GALNT13: variants seen among roughly 807,000 people sequenced by gnomAD.
GALNT13 encodes UDP-GalNAc:polypeptide N-acetylgalactosaminyltransferase 13.
A neutral mutation model predicts 64.2 loss-of-function variants in GALNT13; 28 were observed. That is an observed-to-expected ratio of 0.44 (90% CI 0.32 to 0.60). GALNT13 has a LOEUF of 0.60. Ranked by LOEUF, GALNT13 falls within the 20% of genes least tolerant of loss-of-function variation. The pLI, the probability that GALNT13 is intolerant of heterozygous loss-of-function variation, is 0.05. For synonymous variants in GALNT13, 214 were observed against 224.6 expected (o/e 0.95, Z 0.42); for missense variants, 577 against 669.8 (o/e 0.86, Z 1.53).
chr2:153,682,838 C>G, the GALNT13 span, among the ~76,000 whole-genome samples: 2 of 151,676 alleles, frequency 1.3e-5, no homozygotes, highest in East Asian at 3.9e-4. Context: ...CTTAAGTATT[C>G]TAAAGTAACA....
the GALNT13 span, among the ~76,000 whole-genome samples, chr2:153,370,205 C>A: frequency 2.0e-5 from 3 of 151,458 alleles, no homozygotes; most frequent in African/African-American, 7.3e-5. Flanking sequence ...TAAAATGTTT[C>A]AAAAAAAGGC....
At chr2:153,618,764 G>T in the GALNT13 span, among the ~76,000 whole-genome samples, 1 of 151,694 alleles carries the variant, frequency 6.6e-6, no homozygotes, top group Non-Finnish European at 1.5e-5. Context: ...TTTTATTATT[G>T]TATAATGACC....
chr2:153,123,544 C>G, the GALNT13 span, among the ~76,000 whole-genome samples: 2 of 152,170 alleles, frequency 1.3e-5, no homozygotes, highest in African/African-American at 4.8e-5. Context: ...TTTCAGCACA[C>G]CTGAGTTGTG....
chr2:154,397,276 A>C (rs6732171), intron 10 of GALNT13, among the ~76,000 whole-genome samples: 58,062 of 151,654 alleles, frequency 0.38, 12,681 homozygotes, highest in Admixed American at 0.5. Flanking sequence ...TCTACTAAAA[A>C]TACAAAAAAA....
the GALNT13 span, among the ~76,000 whole-genome samples, chr2:153,137,333 C>T: frequency 7.9e-5 from 12 of 152,114 alleles, no homozygotes; most frequent in East Asian, 2.3e-3. Flanking sequence ...TATGAAAGCG[C>T]CCCAGGAAGG....
At chr2:153,283,309 G>C in the GALNT13 span, among the ~76,000 whole-genome samples, 2 of 152,176 alleles carry the variant, frequency 1.3e-5, no homozygotes, top group African/African-American at 4.8e-5. Context: ...CATGGGGAGG[G>C]GGACAGCCTA....
intron 2 of GALNT13, among the ~76,000 whole-genome samples, chr2:153,934,525 G>A (rs1302919363): frequency 2.6e-5 from 4 of 152,134 alleles, no homozygotes; most frequent in Non-Finnish European, 5.9e-5. Context: ...TTTACTCATG[G>A]CACAGGAAGT....
intron 9 of GALNT13, among the ~76,000 whole-genome samples, chr2:154,392,786 A>G (rs1004235828): frequency 6.6e-6 from 1 of 152,196 alleles, no homozygotes; most frequent in South Asian, 2.1e-4. Context: ...GGAACAGGCA[A>G]TAGTGAATAA....
the GALNT13 span, among the ~76,000 whole-genome samples, chr2:153,663,677 G>A: frequency 2.0e-5 from 3 of 152,130 alleles, no homozygotes; most frequent in Non-Finnish European, 2.9e-5. Context: ...TTATGATAAA[G>A]TCCATGGCAG....
chr2:153,281,865 T>C, the GALNT13 span, among the ~76,000 whole-genome samples: 1 of 151,696 alleles, frequency 6.6e-6, no homozygotes, highest in Non-Finnish European at 1.5e-5. Flanking sequence ...GTCTGGTGAC[T>C]ATATGTTTTG....
intron 4 of GALNT13, among the ~76,000 whole-genome samples, chr2:154,186,649 T>C (rs1159414481): frequency 1.3e-5 from 2 of 152,102 alleles, no homozygotes; most frequent in Non-Finnish European, 2.9e-5. Context: ...CCATCAAAAC[T>C]TCTTTGCTTG....
chr2:154,255,356 C>T (rs970436063), intron 7 of GALNT13, among the ~76,000 whole-genome samples: 1 of 152,048 alleles, frequency 6.6e-6, no homozygotes, highest in Admixed American at 6.6e-5. Context: ...AGAAGGTTAC[C>T]AGGGAAGGGA....
the GALNT13 span, among the ~76,000 whole-genome samples, chr2:153,849,102 T>C: frequency 1.3e-5 from 2 of 152,096 alleles, no homozygotes; most frequent in Non-Finnish European, 1.5e-5. Context: ...TAAGACTAAA[T>C]TGGATTTATT....
chr2:153,936,239 A>C (rs954210813), intron 2 of GALNT13, among the ~76,000 whole-genome samples: 8 of 152,240 alleles, frequency 5.3e-5, no homozygotes, highest in African/African-American at 1.9e-4. Context: ...CATAACACTC[A>C]CATTGTATTA....
the GALNT13 span, chr2:153,159,501 A>G: frequency 3.9e-5 from 6 of 152,430 alleles, no homozygotes; most frequent in African/African-American, 1.4e-4. Context: ...GAATGGCTGC[A>G]TCGAGTATAT....
intron 7 of GALNT13, among the ~76,000 whole-genome samples, chr2:154,255,605 T>C (rs4664729): frequency 1 from 151,528 of 152,268 alleles, 75,398 homozygotes; most frequent in Middle Eastern, 1. Flanking sequence ...CTATTCTTTT[T>C]TATGAGACAA....
At chr2:153,538,825 T>C in the GALNT13 span, among the ~76,000 whole-genome samples, 1 of 22,594 alleles carries the variant, frequency 4.4e-5, no homozygotes, top group Non-Finnish European at 7.5e-5. Flanking sequence ...AAGTCTTTGC[T>C]ATTGTGAATA....
At chr2:153,880,805 G>T (rs1385316035) in intron 1 of GALNT13, among the ~76,000 whole-genome samples, 2 of 150,858 alleles carry the variant, frequency 1.3e-5, no homozygotes, top group Non-Finnish European at 2.9e-5. Context: ...TTATTTTTTA[G>T]TATTCTTTTT....
rs921839236 is a variant in GALNT13, at chr2:154,148,928, T to G, written c.311+8423T>G. On this transcript the variant is annotated intron_variant, in intron 4 of 12. Transcript: ENST00000392825. The stretch of plus-strand genomic sequence containing the variant: ...TTTTGCTGTGCAGAAGCTCTTGAGT[T>G]TAATTAGATACCATTTGTCAGTTTT... 2.1e-3 allele frequency among the ~76,000 whole-genome samples: 319 copies of G among 152,304 alleles called. 2 individuals are homozygous for G. The highest frequency in any genetic ancestry group is 6.9e-3 in the African/African-American group (287 of 41,564).
Sources: allele counts gnomAD v4.1 joint callset (sites outside exome capture counted in the v4.1 genomes callset), GRCh38; gene constraint gnomAD v4.1.1; transcripts MANE v1.5; gene names NCBI Gene and HGNC (gene_info 2026-07-23, HGNC 2026-07-21).